The following MED13L variants were observed in gnomAD, a reference collection of about 807,000 sequenced individuals.
The protein encoded by MED13L is mediator complex subunit 13L.
In MED13L, 7 loss-of-function variants were observed where a neutral mutation model predicts 220.9. The observed-to-expected ratio is 0.03, with a 90% CI of 0.02 to 0.06. The LOEUF is 0.06. Among genes scored for constraint, MED13L ranks in the 10% least tolerant of loss-of-function variants. The pLI is 1.00. For synonymous variants in MED13L, 1,011 were observed against 1,015.2 expected, an observed-to-expected ratio of 1.00 and a Z score of 0.08; for missense variants, 1,965 against 2,760.5, an observed-to-expected ratio of 0.71 and a Z score of 6.46.
At position 115,960,289 on chromosome 12, in the gene MED13L, G is replaced by T. The variant is rs1439620508; in HGVS notation, c.*977C>A. 1 of 152,564 alleles carries T rather than the reference G, an allele frequency of 6.6e-6. No homozygotes were observed. The highest frequency in any genetic ancestry group is 2.4e-5 in the African/African-American group (1 of 41,420). The allele number at this position is 152,564 out of a possible 1,614,324, so 9.5% of individuals were successfully genotyped here. Reference sequence around the variant, plus strand: ...AGAGGAGAGACCTGGCTTCCAATAAGAATTCACTAGAAAATATATTTCCGT... The same window carrying T: ...AGAGGAGAGACCTGGCTTCCAATAATAATTCACTAGAAAATATATTTCCGT... On this transcript the variant is annotated 3_prime_UTR_variant, in exon 31 of 31. Transcript: ENST00000281928.
In MED13L at chr12:116,134,361, T is replaced by C. The variant is rs1052951633; in HGVS notation, c.311-22849A>G. Among the ~76,000 whole-genome samples, 6 of 152,260 alleles carry C rather than the reference T, an allele frequency of 3.9e-5. No homozygotes were observed. The South Asian group carries it at 1.2e-3, about 32-fold the overall frequency. On this transcript the variant is annotated intron_variant, in intron 2 of 30. Coordinates refer to ENST00000281928, the MANE Select transcript of MED13L (RefSeq NM_015335.5). ...TATGAACAAAAAGATACAGATTCAG[T>C]GAAATGAAATGCTGAATTTACAATT...
intron 29 of MED13L, 108 bp downstream of exon 29, chr12:115,965,974 A>G (rs1014648784): frequency 5.2e-6 from 7 of 1,356,884 alleles, no homozygotes; most frequent in South Asian, 1.2e-5. Flanking sequence ...AAGAGAAAAA[A>G]GGAACAGAAT....
chr12:116,042,043 T>C (rs909865486), intron 4 of MED13L, among the ~76,000 whole-genome samples: 7 of 152,230 alleles, frequency 4.6e-5, no homozygotes, highest in Non-Finnish European at 1.0e-4. Flanking sequence ...CAGCACTGTA[T>C]TTTAAAACTA....
intron 4 of MED13L, among the ~76,000 whole-genome samples, chr12:116,030,664 G>A (rs147419710): frequency 1.3e-5 from 2 of 152,246 alleles, no homozygotes; most frequent in African/African-American, 4.8e-5. Context: ...AGGGATGAAA[G>A]ATGTATGTGC....
intron 4 of MED13L, among the ~76,000 whole-genome samples, chr12:116,066,688 A>C (rs1334782092): frequency 6.6e-6 from 1 of 152,136 alleles, no homozygotes; most frequent in Non-Finnish European, 1.5e-5. Flanking sequence ...ACAGAATCTC[A>C]TAAGAGTTTT....
At chr12:116,122,688 G>A (rs971591698) in intron 2 of MED13L, among the ~76,000 whole-genome samples, 7 of 152,132 alleles carry the variant, frequency 4.6e-5, no homozygotes, top group African/African-American at 9.7e-5. Flanking sequence ...GCACAATTGC[G>A]ATTCAAAATT....
At chr12:116,122,518 T>C (rs944781559) in intron 2 of MED13L, among the ~76,000 whole-genome samples, 2 of 152,214 alleles carry the variant, frequency 1.3e-5, no homozygotes, top group African/African-American at 4.8e-5. Flanking sequence ...CAGTATCACT[T>C]AACAAATCTA....
chr12:116,216,840 A>G (rs1285197929), intron 2 of MED13L, among the ~76,000 whole-genome samples: 1 of 152,224 alleles, frequency 6.6e-6, no homozygotes, highest in Non-Finnish European at 1.5e-5. Flanking sequence ...ACTTGATTTG[A>G]CACTGAAAAT....
At chr12:116,024,134 A>G (rs1437686671) in intron 4 of MED13L, among the ~76,000 whole-genome samples, 1 of 152,192 alleles carries the variant, frequency 6.6e-6, no homozygotes, top group East Asian at 1.9e-4. Flanking sequence ...ATAAATGTAG[A>G]CTACAGCCAT....
At chr12:116,178,849 T>C (rs1350504700) in intron 2 of MED13L, among the ~76,000 whole-genome samples, 2 of 152,228 alleles carry the variant, frequency 1.3e-5, no homozygotes, top group African/African-American at 4.8e-5. Context: ...CAGTTTGACA[T>C]GAGAAATTAA....
chr12:116,183,658 T>C (rs1382746759), intron 2 of MED13L, among the ~76,000 whole-genome samples: 3 of 152,138 alleles, frequency 2.0e-5, no homozygotes, highest in Non-Finnish European at 4.4e-5. Flanking sequence ...AAGACAAATA[T>C]TTCAACATGC....
At chr12:116,258,507 T>C (rs1872236070) in intron 1 of MED13L, among the ~76,000 whole-genome samples, 1 of 152,122 alleles carries the variant, frequency 6.6e-6, no homozygotes, top group South Asian at 2.1e-4. Context: ...CCGGACACGG[T>C]AGCTCACACC....
At chr12:116,010,628 G>A (rs1156854244) in intron 9 of MED13L, among the ~76,000 whole-genome samples, 2 of 152,092 alleles carry the variant, frequency 1.3e-5, no homozygotes, top group African/African-American at 2.4e-5. Context: ...AGACGAAGTC[G>A]GCACACTATA....
chr12:116,207,713 A>C (rs943101748), intron 2 of MED13L, among the ~76,000 whole-genome samples: 2 of 152,112 alleles, frequency 1.3e-5, no homozygotes, highest in African/African-American at 2.4e-5. Flanking sequence ...ATTAAGTAAA[A>C]ACCTTGTAGT....
At chr12:116,271,387 G>A (rs1431507209) in intron 1 of MED13L, among the ~76,000 whole-genome samples, 1 of 151,982 alleles carries the variant, frequency 6.6e-6, no homozygotes, top group East Asian at 1.9e-4. Flanking sequence ...TCAGGAGATC[G>A]AGACCATCCT....
intron 4 of MED13L, among the ~76,000 whole-genome samples, chr12:116,026,596 T>G (rs898911064): frequency 1.7e-4 from 25 of 150,430 alleles, no homozygotes; most frequent in African/African-American, 5.8e-4. Context: ...CAAGTTCCCA[T>G]GTGATGCTGC....
Position 116,120,467 on chromosome 12 carries a change from TCTCTCTCTCTCACA to T in MED13L, c.311-8969_311-8956del, listed in dbSNP as rs1259702463. ...CTCTCTCTCTCTCTCTCTCTCTCTC[TCTCTCTCTCTCACA>T]CACACACACACACACACACACACAC... is the stretch of plus-strand genomic sequence containing the variant. On this transcript the variant is annotated intron_variant, in intron 2 of 30. Transcript: ENST00000281928. Among the ~76,000 whole-genome samples the T allele has an allele frequency of 3.9e-3, 535 of 136,756 alleles. 2 individuals carry two copies. The highest frequency in any genetic ancestry group is 0.014 in the African/African-American group (495 of 34,930). The allele number at this position is 136,756 out of a possible 152,430, so 89.7% of individuals were successfully genotyped here. A position where few individuals can be genotyped will look rare whatever the true frequency, so the allele number is the denominator to read the frequency against.
chr12:116,135,804 G>C (rs1876494935), intron 2 of MED13L, among the ~76,000 whole-genome samples: 1 of 152,066 alleles, frequency 6.6e-6, no homozygotes. Flanking sequence ...AAGGCTAGCT[G>C]ATCAGTTTTG....
intron 2 of MED13L, among the ~76,000 whole-genome samples, chr12:116,147,941 G>A (rs1877672532): frequency 6.7e-6 from 1 of 149,092 alleles, no homozygotes; most frequent in Non-Finnish European, 1.5e-5. Flanking sequence ...CAGCTACTTG[G>A]GAGGCTTAGG....
Sources: allele counts gnomAD v4.1 joint callset (sites outside exome capture counted in the v4.1 genomes callset), GRCh38; gene constraint gnomAD v4.1.1; transcripts MANE v1.5; gene names NCBI Gene and HGNC (gene_info 2026-07-23, HGNC 2026-07-21).